Variants in RBFOX1 observed in about 807,000 individuals in gnomAD.
RBFOX1 encodes the protein RNA binding protein fox-1 homolog 1.
In RBFOX1, 8 loss-of-function variants were observed where a neutral mutation model predicts 57.7. That is an observed-to-expected ratio of 0.14 (90% CI 0.08 to 0.25). The LOEUF is 0.25. Ranked by LOEUF, RBFOX1 falls within the 10% of genes least tolerant of loss-of-function variation. The pLI, the probability that RBFOX1 is intolerant of heterozygous loss-of-function variation, is 1.00. For synonymous variants in RBFOX1, 326 were observed against 222.4 expected, an observed-to-expected ratio of 1.47 and a Z score of -4.15; for missense variants, 611 against 548.5, an observed-to-expected ratio of 1.11 and a Z score of -1.14.
chr16:5,740,461 C>T (rs1335439187), intron 3 of RBFOX1, among the ~76,000 whole-genome samples: 1 of 152,200 alleles, frequency 6.6e-6, no homozygotes, highest in Non-Finnish European at 1.5e-5. Flanking sequence ...TGTGAATTAT[C>T]TCACTTAACC....
At chr16:7,246,267 A>G (rs978478577) in intron 4 of RBFOX1, among the ~76,000 whole-genome samples, 13 of 152,268 alleles carry the variant, frequency 8.5e-5, no homozygotes, top group African/African-American at 2.9e-4. Context: ...CCCTAATCCA[A>G]TGCAATCCAA....
chr16:5,815,984 C>G (rs1156760205), intron 3 of RBFOX1, among the ~76,000 whole-genome samples: 1 of 152,068 alleles, frequency 6.6e-6, no homozygotes, highest in Admixed American at 6.6e-5. Flanking sequence ...TTACAGCCCC[C>G]AGGTATACAA....
chr16:7,198,174 C>A (rs1359420592), intron 4 of RBFOX1, among the ~76,000 whole-genome samples: 1 of 151,670 alleles, frequency 6.6e-6, no homozygotes, highest in African/African-American at 2.4e-5. Flanking sequence ...GCTGGCTAAT[C>A]TTTTGTATTT....
chr16:7,201,970 A>T (rs538576557), intron 4 of RBFOX1, among the ~76,000 whole-genome samples: 2 of 152,192 alleles, frequency 1.3e-5, no homozygotes, highest in Admixed American at 6.5e-5. Context: ...TGGGAAGCCA[A>T]TTAACACCTA....
chr16:6,620,125 T>C (rs2098206310), intron 2 of RBFOX1, among the ~76,000 whole-genome samples: 1 of 152,130 alleles, frequency 6.6e-6, no homozygotes, highest in African/African-American at 2.4e-5. Context: ...GGCATTTAGG[T>C]TAAACTGAAA....
At chr16:7,545,071 G>C (rs1041432411) in intron 5 of RBFOX1, among the ~76,000 whole-genome samples, 1 of 152,208 alleles carries the variant, frequency 6.6e-6, no homozygotes. Context: ...CAAGCATGCA[G>C]AATAAAAGCT....
chr16:7,574,388 G>A (rs147912222), intron 5 of RBFOX1, among the ~76,000 whole-genome samples: 4 of 152,308 alleles, frequency 2.6e-5, no homozygotes, highest in African/African-American at 9.6e-5. Flanking sequence ...ACGATCACAA[G>A]GTGAAGTCCC....
intron 2 of RBFOX1, among the ~76,000 whole-genome samples, chr16:6,643,289 G>A (rs1053878955): frequency 6.6e-6 from 1 of 152,190 alleles, no homozygotes; most frequent in African/African-American, 2.4e-5. Context: ...CTGGCCATTT[G>A]TGATATTGCA....
At chr16:7,426,682 G>C (rs963378185) in intron 4 of RBFOX1, among the ~76,000 whole-genome samples, 5 of 152,316 alleles carry the variant, frequency 3.3e-5, no homozygotes, top group African/African-American at 1.2e-4. Flanking sequence ...GGGACATGAT[G>C]CGTTGCATAT....
At chr16:5,993,602 C>G (rs1449817401) in intron 4 of RBFOX1, among the ~76,000 whole-genome samples, 2 of 152,066 alleles carry the variant, frequency 1.3e-5, no homozygotes, top group Non-Finnish European at 2.9e-5. Context: ...CTGATGTTCT[C>G]AGGTTGATAT....
intron 2 of RBFOX1, among the ~76,000 whole-genome samples, chr16:6,356,787 C>T (rs201524273): frequency 6.6e-6 from 1 of 152,102 alleles, no homozygotes; most frequent in East Asian, 1.9e-4. Flanking sequence ...GTGTCAATAT[C>T]GGTTTATTAA....
At chr16:5,730,959 AC>A in intron 3 of RBFOX1, among the ~76,000 whole-genome samples, 1 of 148,594 alleles carries the variant, frequency 6.7e-6, no homozygotes, top group African/African-American at 2.4e-5. Context: ...CAGTATCACC[AC>A]CGTCATCATC....
At chr16:5,690,179 C>T (rs10459822) in intron 3 of RBFOX1, among the ~76,000 whole-genome samples, 1,528 of 152,262 alleles carry the variant, frequency 0.01, 31 homozygotes, top group East Asian at 0.087. Context: ...GTAATGGTAT[C>T]GCATACTTAT....
chr16:6,614,996 G>A (rs1252194703), intron 2 of RBFOX1, among the ~76,000 whole-genome samples: 8 of 152,130 alleles, frequency 5.3e-5, no homozygotes, highest in African/African-American at 1.9e-4. Flanking sequence ...AATTGTTTTG[G>A]GCATTATTTA....
chr16:5,255,864 C>T (rs1015132353), intron 1 of RBFOX1, among the ~76,000 whole-genome samples: 1 of 151,954 alleles, frequency 6.6e-6, no homozygotes, highest in Non-Finnish European at 1.5e-5. Flanking sequence ...TGAGCTGCCT[C>T]CTAGCTAGCT....
intron 4 of RBFOX1, among the ~76,000 whole-genome samples, chr16:7,092,398 T>A (rs2151142228): frequency 6.6e-6 from 1 of 152,344 alleles, no homozygotes; most frequent in Non-Finnish European, 1.5e-5. Context: ...AAAAATGAGA[T>A]CACACTGCTT....
intron 1 of RBFOX1, among the ~76,000 whole-genome samples, chr16:6,268,121 G>T (rs1380962902): frequency 1.3e-5 from 2 of 152,160 alleles, no homozygotes; most frequent in Non-Finnish European, 2.9e-5. Flanking sequence ...GTTTTAAAAT[G>T]CATGAGTTGA....
chr16:6,781,654 G>GT (rs1374447329), intron 3 of RBFOX1, among the ~76,000 whole-genome samples: 5 of 152,078 alleles, frequency 3.3e-5, no homozygotes, highest in African/African-American at 1.2e-4. Context: ...AATCTTTGTA[G>GT]TTTTTTATGT....
intron 3 of RBFOX1, among the ~76,000 whole-genome samples, chr16:7,051,412 C>G (rs563415565): frequency 6.6e-6 from 1 of 152,340 alleles, no homozygotes; most frequent in South Asian, 2.1e-4. Context: ...GTCAGTAGGG[C>G]AAAGATAATT....
Sources: allele counts gnomAD v4.1 joint callset (sites outside exome capture counted in the v4.1 genomes callset), GRCh38; gene constraint gnomAD v4.1.1; transcripts MANE v1.5; gene names NCBI Gene and HGNC (gene_info 2026-07-23, HGNC 2026-07-21).